NCEH1: variants seen among roughly 807,000 people sequenced by gnomAD.
NCEH1 encodes the protein 2-acetyl MAGE hydrolase.
NCEH1 carries 9 observed loss-of-function variants against 25.4 expected under a neutral mutation model. The observed-to-expected ratio is 0.35, with a 90% CI of 0.21 to 0.62. The LOEUF (loss-of-function observed/expected upper bound fraction) is 0.62. NCEH1 is among the 20% of genes least tolerant of loss of function. NCEH1 has a pLI of 0.72. For synonymous variants in NCEH1, 200 were observed against 199.8 expected, an observed-to-expected ratio of 1.00 and a Z score of -0.01; for missense variants, 412 against 501.1, an observed-to-expected ratio of 0.82 and a Z score of 1.70.
intron 1 of NCEH1, among the ~76,000 whole-genome samples, chr3:172,706,461 T>C (rs1456625359): frequency 2.0e-5 from 3 of 151,966 alleles, no homozygotes; most frequent in African/African-American, 4.8e-5. Flanking sequence ...CAAATATGAA[T>C]TTACCATTAT....
At chr3:172,684,005 G>A (rs3843975) in intron 1 of NCEH1, among the ~76,000 whole-genome samples, 51,948 of 152,140 alleles carry the variant, frequency 0.34, 9,125 homozygotes, top group South Asian at 0.4. Context: ...GCTGAAAGTT[G>A]CCATTTTATC....
chr3:172,657,831 T>TA (rs900311455), intron 1 of NCEH1, among the ~76,000 whole-genome samples: 1 of 152,224 alleles, frequency 6.6e-6, no homozygotes, highest in African/African-American at 2.4e-5. Flanking sequence ...TTCATTTTTT[T>TA]AACCTGCCAT....
At chr3:172,652,809 C>T (rs1175677988) in intron 1 of NCEH1, among the ~76,000 whole-genome samples, 1 of 152,134 alleles carries the variant, frequency 6.6e-6, no homozygotes, top group African/African-American at 2.4e-5. Context: ...GATTCTCCTG[C>T]CTTAGCCTCC....
chr3:172,645,781 G>A, intron 2 of NCEH1, 89 bp from the exon 3 acceptor site: 2 of 720,020 alleles, frequency 2.8e-6, no homozygotes, highest in Non-Finnish European at 4.5e-6. Flanking sequence ...TTGTTTTTAG[G>A]CTTGGAGCTA....
intron 3 of NCEH1, among the ~76,000 whole-genome samples, chr3:172,643,017 C>A (rs946272827): frequency 2.6e-5 from 4 of 152,188 alleles, no homozygotes; most frequent in African/African-American, 9.7e-5. Context: ...CGGCTCACTG[C>A]AACCTCCGCC....
intron 1 of NCEH1, among the ~76,000 whole-genome samples, chr3:172,708,612 C>T (rs1236016781): frequency 6.6e-6 from 1 of 152,224 alleles, no homozygotes; most frequent in East Asian, 1.9e-4. Context: ...CCGCCTCGGC[C>T]TCCCAAAGTG....
intron 1 of NCEH1, among the ~76,000 whole-genome samples, chr3:172,697,626 A>C (rs1713444156): frequency 1.3e-5 from 2 of 152,136 alleles, no homozygotes; most frequent in Non-Finnish European, 2.9e-5. Flanking sequence ...ATGCATTCTT[A>C]ATGTGGATCA....
chr3:172,684,048 A>T (rs1177598705), intron 1 of NCEH1, among the ~76,000 whole-genome samples: 1 of 152,242 alleles, frequency 6.6e-6, no homozygotes, highest in Non-Finnish European at 1.5e-5. Flanking sequence ...TAAGATTATT[A>T]AATAAAAATG....
intron 1 of NCEH1, among the ~76,000 whole-genome samples, chr3:172,706,543 G>A (rs1272634003): frequency 7.0e-6 from 1 of 142,398 alleles, no homozygotes; most frequent in African/African-American, 2.7e-5. Flanking sequence ...CTGTAGCCCA[G>A]GCTAGAGTGC....
At chr3:172,680,026 G>A (rs1162426051) in intron 1 of NCEH1, among the ~76,000 whole-genome samples, 1 of 152,058 alleles carries the variant, frequency 6.6e-6, no homozygotes, top group Admixed American at 6.6e-5. Flanking sequence ...GCTACTCAAA[G>A]GATGGTCCAA....
At chr3:172,705,999 A>G (rs1713958123) in intron 1 of NCEH1, among the ~76,000 whole-genome samples, 1 of 128,266 alleles carries the variant, frequency 7.8e-6, no homozygotes, top group Admixed American at 8.6e-5. Flanking sequence ...CTCCATCTCA[A>G]CAACAACAAC....
rs1713654171 is a variant in NCEH1 at position 172,701,184 on chromosome 3, T to G, written c.138+9663A>C. 2.0e-5 allele frequency among the ~76,000 whole-genome samples: 3 copies of G among 152,234 alleles called. No homozygotes were observed. In the South Asian group the frequency reaches 6.2e-4, roughly 32 times the overall value. On this transcript the variant is annotated intron_variant, in intron 1 of 4. Transcript: ENST00000475381. ...GCAGCTGTTTATGATCAGCCATCCTTGGACTAGTCCACTGACACTTCAAAA... is the reference window on the plus strand; with the variant it reads ...GCAGCTGTTTATGATCAGCCATCCTGGGACTAGTCCACTGACACTTCAAAA...
intron 1 of NCEH1, among the ~76,000 whole-genome samples, chr3:172,698,600 A>G (rs572532530): frequency 4.6e-5 from 7 of 152,342 alleles, no homozygotes; most frequent in African/African-American, 1.7e-4. Context: ...TATCCTATTC[A>G]AGGGGAAAAA....
chr3:172,689,616 G>A (rs372115046), intron 1 of NCEH1, among the ~76,000 whole-genome samples: 146,158 of 146,166 alleles, frequency 1, 73,075 homozygotes, highest in Non-Finnish European at 1. Context: ...AGGCCGAGTC[G>A]GGTAGACCAC....
At chr3:172,674,928 G>A (rs1425504748) in intron 1 of NCEH1, among the ~76,000 whole-genome samples, 1 of 152,106 alleles carries the variant, frequency 6.6e-6, no homozygotes, top group Non-Finnish European at 1.5e-5. Flanking sequence ...CTATCATTAC[G>A]TTTAATAGGA....
intron 1 of NCEH1, among the ~76,000 whole-genome samples, chr3:172,662,160 TGA>T (rs1479774394): frequency 1.3e-5 from 2 of 152,220 alleles, no homozygotes; most frequent in Admixed American, 6.5e-5. Flanking sequence ...CCTAGTTTAT[TGA>T]GAGTTTTTAG....
intron 1 of NCEH1, among the ~76,000 whole-genome samples, chr3:172,701,694 G>A (rs1308837073): frequency 1.4e-5 from 2 of 145,802 alleles, no homozygotes; most frequent in Admixed American, 1.4e-4. Context: ...TCAAACTCGT[G>A]ACCTTGTGAT....
chr3:172,653,752 G>T (rs7634204), intron 1 of NCEH1, among the ~76,000 whole-genome samples: 35,944 of 82,450 alleles, frequency 0.44, 5,769 homozygotes, highest in East Asian at 0.63. Flanking sequence ...TTGTTTTTTT[G>T]TTTTTTTGTT....
chr3:172,678,075 GC>G (rs1230542416), intron 1 of NCEH1, among the ~76,000 whole-genome samples: 1 of 152,224 alleles, frequency 6.6e-6, no homozygotes, highest in Non-Finnish European at 1.5e-5. Context: ...CACAGGTTTT[GC>G]TGCACTTAAG....
Sources: allele counts gnomAD v4.1 joint callset (sites outside exome capture counted in the v4.1 genomes callset), GRCh38; gene constraint gnomAD v4.1.1; transcripts MANE v1.5; gene names NCBI Gene and HGNC (gene_info 2026-07-23, HGNC 2026-07-21).